The following SLC38A6 variants were observed in gnomAD, a reference collection of about 807,000 sequenced individuals.
SLC38A6 encodes solute carrier family 38 member 6.
SLC38A6 carries 73 observed loss-of-function variants against 65.0 expected under a neutral mutation model. The ratio of observed to expected loss-of-function variants is 1.12; its 90% confidence interval spans 0.93 to 1.37. The LOEUF (loss-of-function observed/expected upper bound fraction) is 1.37, where lower values mean the gene tolerates loss of function less well. SLC38A6 is among the 40% of genes most tolerant of loss of function. The pLI is 0.00. For synonymous variants in SLC38A6, 183 were observed against 178.8 expected (o/e 1.02, Z -0.19); for missense variants, 561 against 531.1 (o/e 1.06, Z -0.55).
At chr14:61,071,195 T>C (rs1159683115) in intron 15 of SLC38A6, among the ~76,000 whole-genome samples, 1 of 152,216 alleles carries the variant, frequency 6.6e-6, no homozygotes, top group Non-Finnish European at 1.5e-5. Flanking sequence ...TATCAATGCA[T>C]ATTGAGGGAT....
chr14:61,037,518 A>C, intron 7 of SLC38A6, 107 bp from the exon 8 acceptor site: 1 of 729,284 alleles, frequency 1.4e-6, no homozygotes, highest in Non-Finnish European at 2.3e-6. Context: ...CCTAAGCCCC[A>C]GATACCAACC....
chr14:61,062,483 C>G (rs1303960631), intron 15 of SLC38A6, among the ~76,000 whole-genome samples: 1 of 150,300 alleles, frequency 6.7e-6, no homozygotes, highest in African/African-American at 2.4e-5. Flanking sequence ...CTGTTTAGCT[C>G]AACTCTCTTT....
intron 3 of SLC38A6, among the ~76,000 whole-genome samples, chr14:61,009,814 C>A (rs1386804050): frequency 3.3e-5 from 5 of 152,208 alleles, no homozygotes; most frequent in Non-Finnish European, 7.3e-5. Context: ...CAAGTCTTTG[C>A]TATTGTGAAT....
chr14:61,083,031 G>T (rs2140014020), intron 16 of SLC38A6, among the ~76,000 whole-genome samples: 1 of 152,342 alleles, frequency 6.6e-6, no homozygotes, highest in African/African-American at 2.4e-5. Flanking sequence ...CTTCAGAGCA[G>T]AACTTAAGAG....
intron 5 of SLC38A6, among the ~76,000 whole-genome samples, chr14:61,023,566 T>A (rs1009076969): frequency 1.5e-5 from 2 of 131,752 alleles, no homozygotes; most frequent in Non-Finnish European, 1.5e-5. Context: ...GTCTCAAAAA[T>A]AATAATAATA....
intron 3 of SLC38A6, among the ~76,000 whole-genome samples, chr14:60,998,442 C>T (rs1397450580): frequency 1.3e-5 from 2 of 151,986 alleles, no homozygotes; most frequent in African/African-American, 2.4e-5. Flanking sequence ...GGAGATTGGC[C>T]ATGGGACAGC....
chr14:61,070,830 A>G (rs2043203771), intron 15 of SLC38A6, among the ~76,000 whole-genome samples: 2 of 152,092 alleles, frequency 1.3e-5, no homozygotes, highest in South Asian at 2.1e-4. Flanking sequence ...TCTTCATATA[A>G]TGTCTGGTCG....
At chr14:61,050,423 G>A in intron 12 of SLC38A6, 89 bp from the exon 13 acceptor site, 1 of 842,276 alleles carries the variant, frequency 1.2e-6, no homozygotes, top group Non-Finnish European at 1.6e-6. Context: ...TCTAAAATCT[G>A]TTATCATCCA....
chr14:61,047,706 A>T (rs904388994), intron 12 of SLC38A6, among the ~76,000 whole-genome samples: 1 of 152,134 alleles, frequency 6.6e-6, no homozygotes, highest in Non-Finnish European at 1.5e-5. Flanking sequence ...TTGCTGCTTG[A>T]ACACAAAGGC....
At chr14:61,064,721 C>T (rs534802325) in intron 15 of SLC38A6, among the ~76,000 whole-genome samples, 3 of 151,022 alleles carry the variant, frequency 2.0e-5, no homozygotes, top group Admixed American at 1.3e-4. Context: ...TATGGGCCTT[C>T]TCATTATGGG....
chr14:60,988,142 T>G (rs2037592053), intron 3 of SLC38A6, among the ~76,000 whole-genome samples: 2 of 152,190 alleles, frequency 1.3e-5, no homozygotes, highest in East Asian at 1.9e-4. Flanking sequence ...GAGAACCTCC[T>G]CTGAGGCTTC....
chr14:61,062,028 G>A (rs922129661), intron 15 of SLC38A6, among the ~76,000 whole-genome samples: 38 of 152,028 alleles, frequency 2.5e-4, no homozygotes, highest in African/African-American at 8.9e-4. Context: ...TAGTAGAGAT[G>A]GGGTTTTACC....
chr14:61,038,100 C>G (rs951515227), intron 8 of SLC38A6, among the ~76,000 whole-genome samples: 1 of 152,058 alleles, frequency 6.6e-6, no homozygotes, highest in African/African-American at 2.4e-5. Flanking sequence ...TCTGGTACTA[C>G]ATTGAGGAGA....
rs1270724966 is a variant in SLC38A6, at chr14:61,045,369, G to A, written c.768G>A (p.Met256Ile). Residue 256 changes from methionine (M) to isoleucine (I), a missense_variant, in exon 11 of 16, where the codon ATG (methionine) becomes ATA (isoleucine). By Grantham distance (10) the Met-to-Ile change is conservative (BLOSUM62 1). Transcript: ENST00000267488. ...AGAGTGCTTATGCCTTACCAACCAT[G>A]GCTTTTTCATTTCTCTGCCATACCT... ...SKESAYALPT[M>I]AFSFLCHTSI... The A allele has an allele frequency of 1.3e-5, 21 of 1,613,402 alleles. No homozygotes were observed. Among genetic ancestry groups the A allele is most frequent in the Non-Finnish European group, 1.7e-5 (20 of 1,179,770 alleles).
chr14:61,006,972 A>C (rs1411232223), intron 3 of SLC38A6, among the ~76,000 whole-genome samples: 1 of 152,212 alleles, frequency 6.6e-6, no homozygotes, highest in Non-Finnish European at 1.5e-5. Context: ...GCACATATAC[A>C]CCATGGAATA....
intron 1 of SLC38A6, chr14:60,981,784 G>C (rs2037050044): frequency 8.3e-7 from 1 of 1,198,494 alleles, no homozygotes; most frequent in Non-Finnish European, 1.1e-6. Context: ...GTCATGGGGG[G>C]AGGGAAAATA....
At chr14:61,014,835 A>G (rs1354206660) in intron 3 of SLC38A6, among the ~76,000 whole-genome samples, 2 of 152,098 alleles carry the variant, frequency 1.3e-5, no homozygotes, top group African/African-American at 2.4e-5. Flanking sequence ...GGGGTCAGGG[A>G]CCCACTTGAG....
At chr14:61,043,349 C>A in intron 9 of SLC38A6, 101 bp from the exon 10 acceptor site, 1 of 1,107,460 alleles carries the variant, frequency 9.0e-7, no homozygotes, top group Non-Finnish European at 1.3e-6. Context: ...GAAATACTTT[C>A]ATTTGAAAGC....
chr14:61,052,051 A>C lies in SLC38A6; in HGVS notation c.1206A>C (p.Thr402=). The change falls in exon 15 of 16, where the codon ACA becomes ACC. Residue 402 remains threonine (T), a synonymous_variant. Transcript: ENST00000267488. Reference sequence around the variant, plus strand: ...CCCTCCACTTTAAAGGTGCCAGTACATCAACATGTTTGATTTTTATATTCC... The same window carrying C: ...CCCTCCACTTTAAAGGTGCCAGTACCTCAACATGTTTGATTTTTATATTCC... The part of the protein sequence containing the change: ...RNVFGVVGAS[T]STCLIFIFPG... 6.3e-7 allele frequency: 1 copy of C among 1,596,758 alleles called. No homozygotes were observed. The highest frequency in any genetic ancestry group is 8.5e-7 in the Non-Finnish European group (1 of 1,175,408).
Sources: gnomAD v4.1 joint callset for allele counts (sites outside exome capture counted in the v4.1 genomes callset) on GRCh38, gnomAD v4.1.1 for gene constraint, MANE v1.5 for transcripts, NCBI Gene and HGNC (gene_info 2026-07-23, HGNC 2026-07-21) for gene names.